Variants in SMYD3 observed in about 807,000 individuals in gnomAD.
The protein encoded by SMYD3 is SET and MYND domain containing 3.
Under a neutral mutation model 57.7 loss-of-function variants are expected in SMYD3, and 36 were observed. That is an observed-to-expected ratio of 0.62 (90% confidence interval 0.48 to 0.82). The LOEUF (loss-of-function observed/expected upper bound fraction) is 0.82. SMYD3 is among the 40% of genes least tolerant of loss of function. The probability of loss-of-function intolerance (pLI) is 0.00; values close to 1 mark genes in which losing one functional copy is unlikely to be tolerated. For missense variants in SMYD3, 515 were observed against 538.8 expected (o/e 0.96, Z 0.44); for synonymous variants, 211 against 195.0 (o/e 1.08, Z -0.68).
chr1:246,347,080 ATC>A (rs2065733701), intron 2 of SMYD3, among the ~76,000 whole-genome samples: 1 of 152,134 alleles, frequency 6.6e-6, no homozygotes, highest in African/African-American at 2.4e-5. Context: ...GGAGAGAAGA[ATC>A]TCTGAGCTGA....
At chr1:246,190,351 C>T (rs1215405783) in intron 5 of SMYD3, among the ~76,000 whole-genome samples, 1 of 152,172 alleles carries the variant, frequency 6.6e-6, no homozygotes, top group East Asian at 1.9e-4. Context: ...CTCTGGGAGG[C>T]CAAGGAGGGT....
chr1:246,116,285 C>A (rs1308439534), intron 5 of SMYD3, among the ~76,000 whole-genome samples: 2 of 151,280 alleles, frequency 1.3e-5, no homozygotes, highest in Non-Finnish European at 2.9e-5. Context: ...AAATCCTAAC[C>A]AGTAGAGTAC....
intron 5 of SMYD3, among the ~76,000 whole-genome samples, chr1:246,284,648 C>A (rs578126035): frequency 6.6e-6 from 1 of 152,048 alleles, no homozygotes; most frequent in East Asian, 1.9e-4. Flanking sequence ...GATCTCCTGA[C>A]CTCGTGATCC....
intron 5 of SMYD3, among the ~76,000 whole-genome samples, chr1:246,269,339 T>C (rs1380085070): frequency 6.6e-6 from 1 of 152,184 alleles, no homozygotes; most frequent in African/African-American, 2.4e-5. Context: ...GAATATAATC[T>C]TCTTAACATT....
chr1:246,391,410 GAGAGAGAA>G (rs2066566881), intron 1 of SMYD3, among the ~76,000 whole-genome samples: 1 of 76,592 alleles, frequency 1.3e-5, no homozygotes, highest in Non-Finnish European at 2.6e-5. Flanking sequence ...GAGAGAGAAA[GAGAGAGAA>G]AAAGAGAGAG....
chr1:245,749,723 C>G, intron 11 of SMYD3, 59 bp from the exon 12 acceptor site: 1 of 1,318,668 alleles, frequency 7.6e-7, no homozygotes, highest in Non-Finnish European at 1.1e-6. Flanking sequence ...CAGGCCATTC[C>G]CCACCTTTAC....
intron 5 of SMYD3, among the ~76,000 whole-genome samples, chr1:246,153,100 G>A (rs2061969081): frequency 6.6e-6 from 1 of 152,050 alleles, no homozygotes; most frequent in African/African-American, 2.4e-5. Flanking sequence ...ATTTCCAACT[G>A]TCTACTCAAG....
intron 8 of SMYD3, among the ~76,000 whole-genome samples, chr1:245,871,553 A>G (rs1390431969): frequency 6.6e-6 from 1 of 152,242 alleles, no homozygotes; most frequent in Non-Finnish European, 1.5e-5. Context: ...AAATTGTAGT[A>G]TGTTCTAATT....
At chr1:246,436,678 G>GATGT (rs2067379914) in intron 1 of SMYD3, among the ~76,000 whole-genome samples, 1 of 152,196 alleles carries the variant, frequency 6.6e-6, no homozygotes. Context: ...ACAAGGTAAA[G>GATGT]ATGTATTTAG....
chr1:246,112,192 T>C (rs1254943461), intron 5 of SMYD3, among the ~76,000 whole-genome samples: 4 of 152,204 alleles, frequency 2.6e-5, no homozygotes, highest in Non-Finnish European at 4.4e-5. Flanking sequence ...GTATTGCATA[T>C]TGTAACTCTC....
intron 5 of SMYD3, among the ~76,000 whole-genome samples, chr1:246,187,995 T>C (rs2062671250): frequency 6.6e-6 from 1 of 152,098 alleles, no homozygotes; most frequent in Admixed American, 6.5e-5. Flanking sequence ...GTAGACCTCT[T>C]GGTGTCAAGT....
intron 5 of SMYD3, among the ~76,000 whole-genome samples, chr1:246,243,617 T>C (rs530589194): frequency 2.0e-5 from 3 of 152,104 alleles, no homozygotes; most frequent in African/African-American, 7.2e-5. Context: ...ATTATATATA[T>C]GAATATTCTG....
intron 5 of SMYD3, among the ~76,000 whole-genome samples, chr1:246,247,562 G>T (rs116616622): frequency 6.6e-6 from 1 of 150,876 alleles, no homozygotes; most frequent in Non-Finnish European, 1.5e-5. Flanking sequence ...TCTCTTGTGC[G>T]TGGGAAACTG....
chr1:246,243,369 T>C (rs890219857), intron 5 of SMYD3, among the ~76,000 whole-genome samples: 5 of 149,572 alleles, frequency 3.3e-5, no homozygotes, highest in Non-Finnish European at 7.4e-5. Flanking sequence ...AATAATTGAG[T>C]TTTTGACTTT....
At chr1:246,044,390 G>A (rs73133756) in intron 5 of SMYD3, among the ~76,000 whole-genome samples, 6,168 of 152,266 alleles carry the variant, frequency 0.041, 147 homozygotes, top group African/African-American at 0.052. Flanking sequence ...TGGAGATATC[G>A]CATGATGTCT....
intron 10 of SMYD3, among the ~76,000 whole-genome samples, chr1:245,848,263 C>T (rs1170146515): frequency 2.2e-5 from 3 of 135,630 alleles, no homozygotes; most frequent in Non-Finnish European, 3.2e-5. Context: ...GCCACCATGC[C>T]GAGTTATTTT....
At chr1:246,015,002 A>G (rs2059352336) in intron 5 of SMYD3, among the ~76,000 whole-genome samples, 1 of 152,116 alleles carries the variant, frequency 6.6e-6, no homozygotes, top group Non-Finnish European at 1.5e-5. Flanking sequence ...ACACACCTGA[A>G]CAGACTCCTA....
chr1:246,146,235 A>C (rs2148134273), intron 5 of SMYD3, among the ~76,000 whole-genome samples: 1 of 152,310 alleles, frequency 6.6e-6, no homozygotes, highest in South Asian at 2.1e-4. Flanking sequence ...ATAAACATGA[A>C]CTTTTTAGAA....
intron 8 of SMYD3, among the ~76,000 whole-genome samples, chr1:245,870,749 C>T (rs983468844): frequency 2.0e-5 from 3 of 152,180 alleles, no homozygotes; most frequent in East Asian, 1.9e-4. Flanking sequence ...TACAAAGCTA[C>T]GTTTCTTCCA....
Sources: gnomAD v4.1 joint callset for allele counts (sites outside exome capture counted in the v4.1 genomes callset) on GRCh38, gnomAD v4.1.1 for gene constraint, MANE v1.5 for transcripts, NCBI Gene and HGNC (gene_info 2026-07-23, HGNC 2026-07-21) for gene names.